ALDH1A2: variants seen among roughly 807,000 people sequenced by gnomAD.
ALDH1A2 encodes the protein aldehyde dehydrogenase 1 family member A2, also known as retinal dehydrogenase 2.
A neutral mutation model predicts 60.3 loss-of-function variants in ALDH1A2; 27 were observed. That is an observed-to-expected ratio of 0.45 (90% CI 0.33 to 0.62). The LOEUF is 0.62. ALDH1A2 is among the 20% of genes least tolerant of loss of function. The pLI, the probability that ALDH1A2 is intolerant of heterozygous loss-of-function variation, is 0.02. For synonymous variants in ALDH1A2, 289 were observed against 232.4 expected, an observed-to-expected ratio of 1.24 and a Z score of -2.21; for missense variants, 581 against 643.8, an observed-to-expected ratio of 0.90 and a Z score of 1.06.
intron 1 of ALDH1A2, among the ~76,000 whole-genome samples, chr15:58,022,934 GACA>G (rs1232908312): frequency 2.6e-5 from 4 of 152,010 alleles, no homozygotes; most frequent in African/African-American, 9.7e-5. Context: ...TCAACATAAG[GACA>G]ACATGAAAAA....
chr15:57,988,646 G>A (rs746394980), intron 7 of ALDH1A2, among the ~76,000 whole-genome samples: 13 of 152,128 alleles, frequency 8.5e-5, no homozygotes, highest in Non-Finnish European at 1.5e-4. Flanking sequence ...ATCTTGATTC[G>A]GATGGTTACA....
At chr15:58,016,363 T>C (rs1210821893) in intron 1 of ALDH1A2, among the ~76,000 whole-genome samples, 1 of 151,996 alleles carries the variant, frequency 6.6e-6, no homozygotes, top group African/African-American at 2.4e-5. Flanking sequence ...AGGCTGGTCA[T>C]GAACCCCTGA....
Position 58,065,662 on chromosome 15 carries a change from G to T in ALDH1A2, c.-12C>A. On this transcript the variant is annotated 5_prime_UTR_variant, in exon 1 of 13. Transcript: ENST00000249750. ...TTGCTGGAAGTCATGGTGGCGGGCC[G>T]GGTGTCCCTAGCCCGCGGCGTGGGG... 6.4e-7 allele frequency: 1 copy of T among 1,569,188 alleles called. No individual in the cohort carries two copies. The highest frequency in any genetic ancestry group is 2.3e-5 in the East Asian group (1 of 43,714).
At chr15:58,049,817 G>T (rs1251403122) in intron 1 of ALDH1A2, among the ~76,000 whole-genome samples, 1 of 152,030 alleles carries the variant, frequency 6.6e-6, no homozygotes, top group Non-Finnish European at 1.5e-5. Flanking sequence ...AAGAGAAATG[G>T]CTTTTATGTA....
chr15:57,966,696 G>A (rs1463483702), intron 7 of ALDH1A2, among the ~76,000 whole-genome samples: 1 of 152,204 alleles, frequency 6.6e-6, no homozygotes, highest in Admixed American at 6.5e-5. Context: ...TACCCTTTCA[G>A]CCCAGCACAG....
chr15:57,964,052 G>T lies in ALDH1A2; in HGVS notation c.919C>A (p.Gln307Lys), dbSNP rs1388306393. ...TTGAAGAACACACCCTGGTGGGCCT[G>T]CTCCACAGCATAGTCCACTACAAGA... ...ADADLDYAVEQAHQGVFFNQG... is the reference protein window; with the variant it reads ...ADADLDYAVEKAHQGVFFNQG... Residue 307 changes from glutamine to lysine, a missense_variant, in exon 9 of 13, where the codon CAG becomes AAG. By Grantham distance (53) the Gln-to-Lys change is moderately conservative. Coordinates refer to ENST00000249750, the MANE Select transcript of ALDH1A2 (RefSeq NM_003888.4). 1.9e-6 allele frequency: 3 copies of T among 1,613,970 alleles called. No homozygotes were observed. Among genetic ancestry groups the T allele is most frequent in the Admixed American group, 1.7e-5 (1 of 60,002 alleles).
chr15:58,037,687 C>T (rs539144122), intron 1 of ALDH1A2, among the ~76,000 whole-genome samples: 2 of 151,710 alleles, frequency 1.3e-5, no homozygotes, highest in Non-Finnish European at 3.0e-5. Flanking sequence ...TAGCTAGTAT[C>T]CCACATAATT....
chr15:58,010,605 G>C, intron 4 of ALDH1A2, 44 bp downstream of exon 4: 1 of 1,608,644 alleles, frequency 6.2e-7, no homozygotes, highest in Non-Finnish European at 8.5e-7. Flanking sequence ...CGCATTTCTG[G>C]TGGTTTCACG....
intron 7 of ALDH1A2, among the ~76,000 whole-genome samples, chr15:57,967,546 C>A (rs1334713296): frequency 6.6e-6 from 1 of 152,172 alleles, no homozygotes; most frequent in African/African-American, 2.4e-5. Flanking sequence ...GAAACTCCAA[C>A]TTCCCCTCAG....
chr15:57,986,011 C>G (rs914339665), intron 7 of ALDH1A2, among the ~76,000 whole-genome samples: 4 of 152,062 alleles, frequency 2.6e-5, no homozygotes, highest in Non-Finnish European at 5.9e-5. Flanking sequence ...AAATAGTAAC[C>G]TCATTAACTG....
chr15:58,042,395 C>T (rs757167602), intron 1 of ALDH1A2, among the ~76,000 whole-genome samples: 1 of 152,074 alleles, frequency 6.6e-6, no homozygotes, highest in East Asian at 1.9e-4. Context: ...ACTACGTCAT[C>T]TTTACTTTTG....
intron 7 of ALDH1A2, among the ~76,000 whole-genome samples, chr15:57,968,093 T>C (rs929292765): frequency 1.3e-5 from 2 of 152,278 alleles, no homozygotes; most frequent in East Asian, 3.9e-4. Flanking sequence ...GAGAATGTCA[T>C]TGTGCTTGCT....
intron 7 of ALDH1A2, among the ~76,000 whole-genome samples, chr15:57,969,821 G>C (rs531720253): frequency 6.6e-6 from 1 of 152,158 alleles, no homozygotes; most frequent in East Asian, 1.9e-4. Flanking sequence ...CAACGTACTC[G>C]TGTGATACCT....
chr15:58,059,482 C>A (rs939048857), intron 1 of ALDH1A2, among the ~76,000 whole-genome samples: 1 of 152,154 alleles, frequency 6.6e-6, no homozygotes, highest in Non-Finnish European at 1.5e-5. Flanking sequence ...AAGTAAGATA[C>A]CTTCCCACTG....
At position 57,953,699 on chromosome 15, in the gene ALDH1A2, A is replaced by G. The variant is rs1317474448; in HGVS notation, c.*1498T>C. On this transcript the variant is annotated 3_prime_UTR_variant, in exon 13 of 13. Transcript: ENST00000249750. ...GGAGACTTTAAAACATCATGGATAG[A>G]TAAGAGTTATAAATAGAAAACTGGT... The G allele has an allele frequency of 2.0e-5, 3 of 152,344 alleles. No homozygotes were observed. Among genetic ancestry groups the G allele is most frequent in the African/African-American group, 4.8e-5 (2 of 41,428 alleles). 9.4% of individuals were successfully genotyped at this position (152,344 alleles called of 1,614,324 possible). A position where few individuals can be genotyped will look rare whatever the true frequency, so the allele number is the denominator to read the frequency against.
chr15:57,962,180 T>C lies in ALDH1A2; in HGVS notation c.1087-4A>G, dbSNP rs769056821. 1 of 1,614,090 alleles carries C rather than the reference T, an allele frequency of 6.2e-7. No homozygotes were observed. ...TGTTGTACTGTTTCTTATCAATCTG[T>C]GGGAGACAAGACTTAATGACTCCAA... On this transcript the variant is annotated splice_polypyrimidine_tract_variant and splice_region_variant and intron_variant, in intron 9 of 12. Coordinates refer to ENST00000249750, the MANE Select transcript of ALDH1A2 (RefSeq NM_003888.4).
intron 7 of ALDH1A2, among the ~76,000 whole-genome samples, chr15:57,986,571 C>CAAAA (rs71116542): frequency 1.2e-4 from 10 of 82,064 alleles, no homozygotes; most frequent in East Asian, 5.1e-4. Context: ...ACAGAAAAGC[C>CAAAA]AAAAAAAAAA....
At chr15:58,016,533 T>C (rs1443117889) in intron 1 of ALDH1A2, among the ~76,000 whole-genome samples, 1 of 152,174 alleles carries the variant, frequency 6.6e-6, no homozygotes, top group African/African-American at 2.4e-5. Flanking sequence ...TTTCCAAAAA[T>C]CAAAAGGAAA....
chr15:58,009,276 T>A (rs751010209), intron 4 of ALDH1A2, among the ~76,000 whole-genome samples: 5 of 151,928 alleles, frequency 3.3e-5, no homozygotes, highest in Non-Finnish European at 5.9e-5. Flanking sequence ...GACCAGAAGC[T>A]GGTTAGACAT....
Sources: allele counts gnomAD v4.1 joint callset (sites outside exome capture counted in the v4.1 genomes callset), GRCh38; gene constraint gnomAD v4.1.1; transcripts MANE v1.5; gene names NCBI Gene and HGNC (gene_info 2026-07-23, HGNC 2026-07-21).